Variants in UQCRFS1 observed in about 807,000 individuals in gnomAD.
The protein encoded by UQCRFS1 is ubiquinol-cytochrome c reductase, Rieske iron-sulfur polypeptide 1.
UQCRFS1 carries 6 observed loss-of-function variants against 15.6 expected under a neutral mutation model. The observed-to-expected ratio is 0.38, with a 90% CI of 0.21 to 0.76. The LOEUF (loss-of-function observed/expected upper bound fraction) is 0.76. Ranked by LOEUF, UQCRFS1 falls within the 30% of genes least tolerant of loss-of-function variation. UQCRFS1 has a pLI of 0.44. For missense variants in UQCRFS1, 203 were observed against 366.7 expected, an observed-to-expected ratio of 0.55 and a Z score of 3.65; for synonymous variants, 105 against 154.3, an observed-to-expected ratio of 0.68 and a Z score of 2.37.
intron 1 of UQCRFS1, 96 bp downstream of exon 1, chr19:29,212,809 C>A (rs563840043): frequency 6.3e-6 from 8 of 1,270,412 alleles, no homozygotes; most frequent in Admixed American, 4.2e-5. Flanking sequence ...CTGATTCAGG[C>A]TCCGCTCGCG....
Position 29,207,960 on chromosome 19 carries a change from G to T in UQCRFS1, c.413C>A (p.Ser138Tyr), listed in dbSNP as rs1190336152. The change falls in exon 2 of 2, where the codon TCC becomes TAC. Residue 138 changes from serine (S) to tyrosine (Y), a missense_variant. This residue lies in a region of UQCRFS1 where 91 missense variants were observed against 186.9 expected (regional missense o/e 0.49). Coordinates refer to ENST00000304863, the MANE Select transcript of UQCRFS1 (RefSeq NM_006003.3). ...AAKNAVTQFV[S>Y]SMSASADVLA... ...CACATCAGCAGAAGCACTCATGCTG[G>T]AAACGAACTGGGTGACGGCATTCTT... 2.5e-6 allele frequency: 4 copies of T among 1,613,858 alleles called. No individual in the cohort carries two copies. The highest frequency in any genetic ancestry group is 1.7e-5 in the Admixed American group (1 of 59,992).
Position 29,206,763 on chromosome 19 carries a change from T to TA in UQCRFS1, c.*784dup, listed in dbSNP as rs370939915. The TA allele has an allele frequency of 1.6e-4, 25 of 152,298 alleles. No individual in the cohort carries two copies. The highest frequency in any genetic ancestry group is 3.4e-3 in the Middle Eastern group (1 of 294). The allele number at this position is 152,298 out of a possible 1,614,324, so 9.4% of individuals were successfully genotyped here. On this transcript the variant is annotated 3_prime_UTR_variant, in exon 2 of 2. Transcript: ENST00000304863. ...CAGATGCTCCCTTTCTGCCTCCTGATAGAGTGGATGCAGGAACTTTGGGGA... is the reference window on the plus strand; with the variant it reads ...CAGATGCTCCCTTTCTGCCTCCTGATAAGAGTGGATGCAGGAACTTTGGGGA...
intron 1 of UQCRFS1, 138 bp downstream of exon 1, chr19:29,212,767 G>A (rs1024410600): frequency 2.2e-6 from 2 of 923,518 alleles, no homozygotes; most frequent in East Asian, 3.4e-5. Flanking sequence ...CCGGGGGCCA[G>A]GCCCAGAGTT....
In UQCRFS1 at chr19:29,207,924, G is replaced by A. The variant is rs766671534; in HGVS notation, c.449C>T (p.Ala150Val). 11 of 1,613,728 alleles carry A rather than the reference G, an allele frequency of 6.8e-6. No individual in the cohort carries two copies. Among genetic ancestry groups the A allele is most frequent in the Admixed American group, 3.3e-5 (2 of 59,982 alleles). ...ATCGGATAACTTGATTTCGATTTTC[G>A]CCAGGGCCAACACATCAGCAGAAGC... is the stretch of plus-strand genomic sequence containing the variant. ...MSASADVLAL[A>V]KIEIKLSDIP... is the part of the protein sequence containing the mutation. Residue 150 changes from alanine (A) to valine (V), a missense_variant, in exon 2 of 2, where the codon GCG becomes GTG. Physicochemically the swap from Ala to Val is moderately conservative, Grantham distance 64. This residue lies in a region of UQCRFS1 where 91 missense variants were observed against 186.9 expected (regional missense o/e 0.49). Coordinates refer to ENST00000304863, the MANE Select transcript of UQCRFS1 (RefSeq NM_006003.3).
In UQCRFS1 at chr19:29,207,328, G is replaced by A. The variant is rs1322456923; in HGVS notation, c.*220C>T. ...AGCTAAAAGACATTGTACCTTTCGCGTGTATGACTGAGCATAACAGTGCTT... is the reference window on the plus strand; with the variant it reads ...AGCTAAAAGACATTGTACCTTTCGCATGTATGACTGAGCATAACAGTGCTT... On this transcript the variant is annotated 3_prime_UTR_variant, in exon 2 of 2. Transcript: ENST00000304863. The A allele has an allele frequency of 1.5e-5, 8 of 542,752 alleles. No individual in the cohort carries two copies. Among genetic ancestry groups the A allele is most frequent in the Non-Finnish European group, 2.2e-5 (7 of 322,298 alleles). 33.6% of individuals were successfully genotyped at this position (542,752 alleles called of 1,614,324 possible).
Position 29,212,796 on chromosome 19 carries a change from G to C in UQCRFS1, c.214+109C>G, listed in dbSNP as rs112748138. 0.013 allele frequency: 15,516 copies of C among 1,199,858 alleles called. 1,111 individuals carry two copies. In the African/African-American group the frequency reaches 0.18, roughly 14 times the overall value. The allele number at this position is 1,199,858 out of a possible 1,614,324, so 74.3% of individuals were successfully genotyped here. ...CAGAGTTGCGGAGGCCGCCCAGCCC[G>C]ACCTGATTCAGGCTCCGCTCGCGCG... On this transcript the variant is annotated intron_variant, in intron 1 of 1. Coordinates refer to ENST00000304863, the MANE Select transcript of UQCRFS1 (RefSeq NM_006003.3).
intron 1 of UQCRFS1, among the ~76,000 whole-genome samples, chr19:29,209,570 G>C (rs1419942630): frequency 6.6e-6 from 1 of 152,100 alleles, no homozygotes; most frequent in East Asian, 1.9e-4. Flanking sequence ...AGAAGACCAG[G>C]ACACAGATAA....
chr19:29,207,308 A>C lies in UQCRFS1; in HGVS notation c.*240T>G. On this transcript the variant is annotated 3_prime_UTR_variant, in exon 2 of 2. Coordinates refer to ENST00000304863, the MANE Select transcript of UQCRFS1 (RefSeq NM_006003.3). Reference sequence around the variant, plus strand: ...TGTAATTTTTAATTAGAATTAGCTAAAAGACATTGTACCTTTCGCGTGTAT... The same window carrying C: ...TGTAATTTTTAATTAGAATTAGCTACAAGACATTGTACCTTTCGCGTGTAT... The C allele has an allele frequency of 2.3e-6, 1 of 434,422 alleles. No homozygotes were observed. Among genetic ancestry groups the C allele is most frequent in the East Asian group, 3.9e-5 (1 of 25,362 alleles). 26.9% of individuals were successfully genotyped at this position (434,422 alleles called of 1,614,324 possible).
intron 1 of UQCRFS1, 102 bp downstream of exon 1, chr19:29,212,803 T>G: frequency 1.6e-6 from 2 of 1,242,526 alleles, no homozygotes; most frequent in Non-Finnish European, 2.1e-6. Context: ...CCCGACCTGA[T>G]TCAGGCTCCG....
At chr19:29,210,511 T>A (rs570507026) in intron 1 of UQCRFS1, among the ~76,000 whole-genome samples, 1 of 77,992 alleles carries the variant, frequency 1.3e-5, no homozygotes, top group Non-Finnish European at 2.4e-5. Flanking sequence ...TCCCTCCCCC[T>A]CCCCCCACCC....
At chr19:29,212,540 G>A (rs534386287) in intron 1 of UQCRFS1, among the ~76,000 whole-genome samples, 77 of 152,202 alleles carry the variant, frequency 5.1e-4, no homozygotes, top group Non-Finnish European at 8.8e-4. Context: ...CTCCACCTAA[G>A]CCTCACGACA....
chr19:29,212,780 G>C, intron 1 of UQCRFS1, 125 bp downstream of exon 1: 2 of 1,077,342 alleles, frequency 1.9e-6, no homozygotes, highest in Non-Finnish European at 2.4e-6. Flanking sequence ...CCAGAGTTGC[G>C]GAGGCCGCCC....
At chr19:29,212,844 G>A in intron 1 of UQCRFS1, 61 bp downstream of exon 1, 13 of 1,351,196 alleles carry the variant, frequency 9.6e-6, no homozygotes, top group Non-Finnish European at 1.2e-5. Context: ...CCCTGCTGGG[G>A]GCCGGAGGAG....
intron 1 of UQCRFS1, among the ~76,000 whole-genome samples, chr19:29,212,082 G>A (rs965325533): frequency 6.6e-6 from 1 of 152,186 alleles, no homozygotes; most frequent in African/African-American, 2.4e-5. Flanking sequence ...ACTGCCCACA[G>A]GCTGCCATTT....
At chr19:29,212,299 G>A (rs1976662763) in intron 1 of UQCRFS1, among the ~76,000 whole-genome samples, 1 of 151,984 alleles carries the variant, frequency 6.6e-6, no homozygotes, top group Non-Finnish European at 1.5e-5. Flanking sequence ...TCTGTAAAAT[G>A]TAAATGTCGT....
In UQCRFS1 at chr19:29,208,114, C is replaced by G; in HGVS notation, c.259G>C (p.Asp87His). The G allele has an allele frequency of 5.0e-6, 8 of 1,613,926 alleles. No homozygotes were observed. Among genetic ancestry groups the G allele is most frequent in the Non-Finnish European group, 6.8e-6 (8 of 1,179,924 alleles). ...CYSHTDIKVP[D>H]FSEYRRLEVL... ...TCAAGGCGGCGGTATTCAGAGAAGT[C>G]AGGCACCTTGATGTCTGTGTGGGAA... Residue 87 changes from aspartate to histidine, a missense_variant, in exon 2 of 2, where the codon GAC becomes CAC. Physicochemically the swap from Asp to His is moderately conservative, Grantham distance 81. Transcript: ENST00000304863.
rs1469364179 is a variant in UQCRFS1, at chr19:29,205,338, G to C, written c.*2210C>G. 1.3e-5 allele frequency: 2 copies of C among 152,186 alleles called. No individual in the cohort carries two copies. Among genetic ancestry groups the C allele is most frequent in the Non-Finnish European group, 2.9e-5 (2 of 68,032 alleles). 9.4% of individuals were successfully genotyped at this position (152,186 alleles called of 1,614,324 possible). ...ATGAAAATACAGAAAATGAAATTTA[G>C]TACTGTGAGAATGAAGAATTACTTC... On this transcript the variant is annotated 3_prime_UTR_variant, in exon 2 of 2. Coordinates refer to ENST00000304863, the MANE Select transcript of UQCRFS1 (RefSeq NM_006003.3).
chr19:29,205,390 G>A lies in UQCRFS1; in HGVS notation c.*2158C>T, dbSNP rs902251098. The stretch of plus-strand genomic sequence containing the variant: ...GATATTTAAATAGTATGTTCCTACA[G>A]TTTAGAAAAATGAGGGTACTAAAGC... On this transcript the variant is annotated 3_prime_UTR_variant, in exon 2 of 2. Coordinates refer to ENST00000304863, the MANE Select transcript of UQCRFS1 (RefSeq NM_006003.3). 6.6e-6 allele frequency: 1 copy of A among 152,194 alleles called. No homozygotes were observed. The highest frequency in any genetic ancestry group is 2.4e-5 in the African/African-American group (1 of 41,446). 9.4% of individuals were successfully genotyped at this position (152,194 alleles called of 1,614,324 possible). A position where few individuals can be genotyped will look rare whatever the true frequency, so the allele number is the denominator to read the frequency against.
Position 29,207,957 on chromosome 19 carries a change from C to G in UQCRFS1, c.416G>C (p.Ser139Thr). 1.2e-6 allele frequency: 2 copies of G among 1,614,008 alleles called. No individual in the cohort carries two copies. Among genetic ancestry groups the G allele is most frequent in the East Asian group, 2.2e-5 (1 of 44,882 alleles). The change falls in exon 2 of 2, where the codon AGC (serine) becomes ACC (threonine). Residue 139 changes from serine to threonine, a missense_variant. Transcript: ENST00000304863. ...AKNAVTQFVS[S>T]MSASADVLAL... The stretch of plus-strand genomic sequence containing the variant: ...CAACACATCAGCAGAAGCACTCATG[C>G]TGGAAACGAACTGGGTGACGGCATT...
Sources: gnomAD v4.1 joint callset for allele counts (sites outside exome capture counted in the v4.1 genomes callset) on GRCh38, gnomAD v4.1.1 for gene constraint, gnomAD v4.1.1 regional missense constraint, MANE v1.5 for transcripts, NCBI Gene and HGNC (gene_info 2026-07-23, HGNC 2026-07-21) for gene names.